The following OSBP2 variants were observed in gnomAD, a reference collection of about 807,000 sequenced individuals.
OSBP2 encodes the protein oxysterol-binding protein 2.
Under a neutral mutation model 96.0 loss-of-function variants are expected in OSBP2, and 66 were observed. The ratio of observed to expected loss-of-function variants is 0.69; its 90% CI spans 0.56 to 0.84. The LOEUF is 0.84. Ranked by LOEUF, OSBP2 falls within the 40% of genes least tolerant of loss-of-function variation. The pLI, the probability that OSBP2 is intolerant of heterozygous loss-of-function variation, is 0.00. For missense variants in OSBP2, 1,038 were observed against 1,222.7 expected, an observed-to-expected ratio of 0.85 and a Z score of 2.25; for synonymous variants, 525 against 520.9, an observed-to-expected ratio of 1.01 and a Z score of -0.11.
chr22:30,735,225 A>G (rs1338228740), intron 1 of OSBP2, among the ~76,000 whole-genome samples: 1 of 152,138 alleles, frequency 6.6e-6, no homozygotes, highest in Non-Finnish European at 1.5e-5. Context: ...AAAAAGTAAC[A>G]CTAACTAGAA....
chr22:30,704,068 CCA>C (rs1404832875), intron 1 of OSBP2, among the ~76,000 whole-genome samples: 1 of 152,174 alleles, frequency 6.6e-6, no homozygotes, highest in Non-Finnish European at 1.5e-5. Flanking sequence ...GCAAAGGTGT[CCA>C]CCCACCTCAC....
At chr22:30,887,391 GC>G in intron 3 of OSBP2, 34 bp from the exon 4 acceptor site, 3 of 1,586,678 alleles carry the variant, frequency 1.9e-6, no homozygotes, top group South Asian at 2.2e-5. Flanking sequence ...CCTGCCAGAG[GC>G]CAGGGTCTCA....
intron 1 of OSBP2, among the ~76,000 whole-genome samples, chr22:30,716,524 G>GCCT: frequency 6.6e-6 from 1 of 151,664 alleles, no homozygotes; most frequent in African/African-American, 2.4e-5. Context: ...TGCAACCTCC[G>GCCT]CCTCCCAGGT....
intron 2 of OSBP2, among the ~76,000 whole-genome samples, chr22:30,781,527 G>A (rs183311589): frequency 7.2e-5 from 11 of 152,280 alleles, no homozygotes; most frequent in Admixed American, 4.6e-4. Context: ...CAGCTTGAGA[G>A]GGTGATGTGC....
rs143658009 is a variant in OSBP2, at chr22:30,773,562, A to G, written c.853+32193A>G. Among the ~76,000 whole-genome samples the G allele has an allele frequency of 1.9e-3, 296 of 152,166 alleles. 1 individual carries two copies. The highest frequency in any genetic ancestry group is 6.6e-3 in the African/African-American group (275 of 41,508). On this transcript the variant is annotated intron_variant, in intron 2 of 13. Coordinates refer to ENST00000332585, the MANE Select transcript of OSBP2 (RefSeq NM_030758.4). The stretch of plus-strand genomic sequence containing the variant: ...GCTTGCCACTGAATGCCCAGTGCCT[A>G]CCACCCTGCTTGTCTCAGAGTAGAC...
intron 2 of OSBP2, among the ~76,000 whole-genome samples, chr22:30,822,867 G>T (rs1345962327): frequency 6.6e-6 from 1 of 152,190 alleles, no homozygotes; most frequent in African/African-American, 2.4e-5. Flanking sequence ...CCCTGTCCCC[G>T]CACCCCGCCG....
Position 30,759,373 on chromosome 22 carries a change from A to G in OSBP2, c.853+18004A>G, listed in dbSNP as rs1602225625. Among the ~76,000 whole-genome samples the G allele has an allele frequency of 5.3e-5, 8 of 152,320 alleles. 1 individual carries two copies. The South Asian group carries it at 1.7e-3, about 32-fold the overall frequency. ...AAATAGTACTGCAAAGGCTTTGAAAATGGAACAAACAGTGAAACCACCACC... is the reference window on the plus strand; with the variant it reads ...AAATAGTACTGCAAAGGCTTTGAAAGTGGAACAAACAGTGAAACCACCACC... On this transcript the variant is annotated intron_variant, in intron 2 of 13. Transcript: ENST00000332585.
At chr22:30,858,747 T>C (rs1206992545) in intron 2 of OSBP2, among the ~76,000 whole-genome samples, 7 of 151,310 alleles carry the variant, frequency 4.6e-5, no homozygotes, top group Admixed American at 3.3e-4. Context: ...GGTGTGGTGG[T>C]GGATGCTTGT....
intron 3 of OSBP2, among the ~76,000 whole-genome samples, chr22:30,882,861 GC>G (rs1423648566): frequency 6.6e-6 from 1 of 152,230 alleles, no homozygotes; most frequent in African/African-American, 2.4e-5. Context: ...GAGGTAGGGG[GC>G]CTAATTCATC....
intron 12 of OSBP2, among the ~76,000 whole-genome samples, chr22:30,901,770 C>G (rs2040200910): frequency 6.6e-6 from 1 of 152,102 alleles, no homozygotes; most frequent in African/African-American, 2.4e-5. Context: ...AAAGCTGAGG[C>G]AGGAAAAGTG....
upstream of OSBP2, chr22:30,694,228 ACTGGCAGCGAAGCGC>A (rs1434151602): frequency 3.2e-6 from 5 of 1,549,932 alleles, no homozygotes; most frequent in Non-Finnish European, 4.4e-6. Context: ...CGATGTCGTC[ACTGGCAGCGAAGCGC>A]CTTGGCATGA....
rs2040341357 is a variant in OSBP2, at chr22:30,906,552, C to T, written c.*213C>T. ...GGTTCTCTCCAGCCCCCAGGTGCGC[C>T]GGGTCACCCGTGCCCCTTCATTATG... On this transcript the variant is annotated 3_prime_UTR_variant, in exon 14 of 14. Coordinates refer to ENST00000332585, the MANE Select transcript of OSBP2 (RefSeq NM_030758.4). The T allele has an allele frequency of 2.0e-6, 1 of 511,666 alleles. No homozygotes were observed. The highest frequency in any genetic ancestry group is 3.3e-6 in the Non-Finnish European group (1 of 305,366). The allele number at this position is 511,666 out of a possible 1,614,324, so 31.7% of individuals were successfully genotyped here.
intron 2 of OSBP2, among the ~76,000 whole-genome samples, chr22:30,815,424 T>G (rs1013293423): frequency 6.6e-6 from 1 of 152,218 alleles, no homozygotes; most frequent in Non-Finnish European, 1.5e-5. Context: ...ATATCTTCTG[T>G]ACTTCCTCTG....
intron 2 of OSBP2, among the ~76,000 whole-genome samples, chr22:30,806,459 G>A (rs2090929249): frequency 1.3e-5 from 2 of 152,158 alleles, no homozygotes; most frequent in African/African-American, 2.4e-5. Flanking sequence ...CTCCAGGATG[G>A]GGCTTGTGAT....
chr22:30,718,631 T>C (rs1174034448), intron 1 of OSBP2, among the ~76,000 whole-genome samples: 3 of 152,232 alleles, frequency 2.0e-5, no homozygotes, highest in Non-Finnish European at 4.4e-5. Context: ...TAGCTGGGCC[T>C]CAGGTGTTCA....
intron 2 of OSBP2, among the ~76,000 whole-genome samples, chr22:30,764,781 C>A (rs1395215087): frequency 2.0e-5 from 3 of 152,172 alleles, no homozygotes; most frequent in Non-Finnish European, 4.4e-5. Context: ...CCCTCAGACC[C>A]CTCAGTCCTG....
Position 30,723,620 on chromosome 22 carries a change from G to A in OSBP2, c.645-17541G>A, listed in dbSNP as rs181269268. On this transcript the variant is annotated intron_variant, in intron 1 of 13. Transcript: ENST00000332585. Reference sequence around the variant, plus strand: ...GTAGAGACGGGGTTTCACCATGTTGGCCAGGCTGGTCTCGAACTCCTGACC... The same window carrying A: ...GTAGAGACGGGGTTTCACCATGTTGACCAGGCTGGTCTCGAACTCCTGACC... 7.9e-5 allele frequency among the ~76,000 whole-genome samples: 12 copies of A among 151,832 alleles called. 1 individual carries two copies. The highest frequency in any genetic ancestry group is 1.6e-4 in the Non-Finnish European group (11 of 67,976).
chr22:30,784,367 CCCCAA>C (rs1357027889), intron 2 of OSBP2, among the ~76,000 whole-genome samples: 8 of 152,050 alleles, frequency 5.3e-5, no homozygotes, highest in Non-Finnish European at 7.4e-5. Flanking sequence ...GATCCTCTCA[CCCCAA>C]CCTCCTGAGT....
rs143970004 is a variant in OSBP2 at position 30,887,506 on chromosome 22, C to T, written c.1188C>T (p.Arg396=). 131 of 1,613,780 alleles carry T rather than the reference C, an allele frequency of 8.1e-5. 1 individual carries two copies. Among genetic ancestry groups the T allele is most frequent in the South Asian group, 7.2e-4 (66 of 91,084 alleles). Residue 396 remains arginine (R), a synonymous_variant, in exon 4 of 14, where the codon CGC becomes CGT. Coordinates refer to ENST00000332585, the MANE Select transcript of OSBP2 (RefSeq NM_030758.4). The part of the protein sequence containing the change: ...QRALQYEQEQ[R]VHLEETIEQL... ...CACTGCAGTATGAGCAGGAGCAGCG[C>T]GTGCACTTGGAGGAAACCATTGAGC...
Sources: allele counts gnomAD v4.1 joint callset (sites outside exome capture counted in the v4.1 genomes callset), GRCh38; gene constraint gnomAD v4.1.1; transcripts MANE v1.5; gene names NCBI Gene and HGNC (gene_info 2026-07-23, HGNC 2026-07-21).